Variants in FOXN3 observed in about 807,000 individuals in gnomAD.
FOXN3 encodes the protein forkhead box protein N3.
A neutral mutation model predicts 38.4 loss-of-function variants in FOXN3; 7 were observed. The observed-to-expected ratio is 0.18, with a 90% CI of 0.10 to 0.34. The LOEUF (loss-of-function observed/expected upper bound fraction) is 0.34. Ranked by LOEUF, FOXN3 falls within the 10% of genes least tolerant of loss-of-function variation. FOXN3 has a pLI of 1.00. For synonymous variants in FOXN3, 230 were observed against 242.2 expected, an observed-to-expected ratio of 0.95 and a Z score of 0.47; for missense variants, 456 against 613.4, an observed-to-expected ratio of 0.74 and a Z score of 2.71.
chr14:89,591,311 G>T (rs1266348470), intron 1 of FOXN3, among the ~76,000 whole-genome samples: 1 of 152,154 alleles, frequency 6.6e-6, no homozygotes, highest in African/African-American at 2.4e-5. Flanking sequence ...GCACTGAATG[G>T]TAAGAGCCCG....
At chr14:89,491,373 G>A (rs1893572262) in intron 1 of FOXN3, among the ~76,000 whole-genome samples, 2 of 152,198 alleles carry the variant, frequency 1.3e-5, no homozygotes, top group Admixed American at 6.5e-5. Context: ...AATGAAAGGG[G>A]GAGATCTGTA....
chr14:89,390,845 G>A (rs1434630508), intron 2 of FOXN3, among the ~76,000 whole-genome samples: 1 of 152,162 alleles, frequency 6.6e-6, no homozygotes, highest in Non-Finnish European at 1.5e-5. Context: ...CTAAGGCCAA[G>A]TTCAGACTTA....
At chr14:89,215,927 A>C (rs1470518638) in intron 4 of FOXN3, among the ~76,000 whole-genome samples, 1 of 152,228 alleles carries the variant, frequency 6.6e-6, no homozygotes, top group African/African-American at 2.4e-5. Context: ...AAGACAAGCC[A>C]GCATATTCTT....
At chr14:89,478,930 TC>T (rs1418621625) in intron 1 of FOXN3, among the ~76,000 whole-genome samples, 5 of 1,810 alleles carry the variant, frequency 2.8e-3, no homozygotes, top group Non-Finnish European at 0.016. Context: ...AGACTCCATC[TC>T]AAAAAAAAAA....
chr14:89,605,739 G>A (rs1419202828), intron 1 of FOXN3, among the ~76,000 whole-genome samples: 1 of 151,930 alleles, frequency 6.6e-6, no homozygotes, highest in Non-Finnish European at 1.5e-5. Context: ...AACTTCAAAA[G>A]TAATTAACTA....
At chr14:89,508,990 C>T (rs896266914) in intron 1 of FOXN3, among the ~76,000 whole-genome samples, 3 of 152,020 alleles carry the variant, frequency 2.0e-5, no homozygotes, top group African/African-American at 4.8e-5. Flanking sequence ...CCCTGGACAC[C>T]CTCCCACCAG....
chr14:89,246,255 G>C (rs1002072542), intron 4 of FOXN3, among the ~76,000 whole-genome samples: 2 of 152,090 alleles, frequency 1.3e-5, no homozygotes, highest in Non-Finnish European at 2.9e-5. Flanking sequence ...TCACAGTAAA[G>C]GGCTAAAGCT....
At position 89,222,122 on chromosome 14, in the gene FOXN3, A is replaced by G. The variant is rs540904033; in HGVS notation, c.746-41316T>C. ...TGAGCCACCGCGCCCGGCCTACACA[A>G]TCTTTTCTTGAGAACTTAGTTGTCA... On this transcript the variant is annotated intron_variant, in intron 4 of 5. Coordinates refer to ENST00000557258, the MANE Select transcript of FOXN3 (RefSeq NM_005197.4). Among the ~76,000 whole-genome samples the G allele has an allele frequency of 1.6e-3, 244 of 152,240 alleles. 1 individual carries two copies. The highest frequency in any genetic ancestry group is 2.9e-3 in the Non-Finnish European group (197 of 68,002).
At chr14:89,297,885 T>C (rs893140183) in intron 3 of FOXN3, among the ~76,000 whole-genome samples, 2 of 152,186 alleles carry the variant, frequency 1.3e-5, no homozygotes, top group Non-Finnish European at 2.9e-5. Context: ...CTTGGGAACC[T>C]GAGGCAGGAG....
intron 1 of FOXN3, among the ~76,000 whole-genome samples, chr14:89,561,042 A>G (rs1215811180): frequency 6.6e-6 from 1 of 152,248 alleles, no homozygotes; most frequent in African/African-American, 2.4e-5. Flanking sequence ...CTGGGAATAC[A>G]GAACGGCTTC....
chr14:89,381,145 CAAAAAA>C (rs71130067), intron 2 of FOXN3, among the ~76,000 whole-genome samples: 1 of 64,202 alleles, frequency 1.6e-5, no homozygotes, highest in Non-Finnish European at 3.0e-5. Context: ...CCCTCCGTCT[CAAAAAA>C]AAAAAAAAAA....
At chr14:89,219,537 G>A (rs76266980) in intron 4 of FOXN3, among the ~76,000 whole-genome samples, 4,649 of 152,280 alleles carry the variant, frequency 0.031, 85 homozygotes, top group East Asian at 0.06. Context: ...TCCTTAGCCC[G>A]TGTTCCCCGA....
At chr14:89,225,965 T>C (rs1291888248) in intron 4 of FOXN3, among the ~76,000 whole-genome samples, 3 of 152,194 alleles carry the variant, frequency 2.0e-5, no homozygotes, top group African/African-American at 7.2e-5. Flanking sequence ...GTCAGATAAT[T>C]GGCCTCTGGA....
chr14:89,423,225 A>T (rs1891953265), intron 1 of FOXN3, among the ~76,000 whole-genome samples: 1 of 152,250 alleles, frequency 6.6e-6, no homozygotes, highest in Non-Finnish European at 1.5e-5. Flanking sequence ...CGCAGTGGTT[A>T]GACACAGACT....
At chr14:89,199,905 G>GACAACA (rs367780395) in intron 4 of FOXN3, among the ~76,000 whole-genome samples, 19 of 151,542 alleles carry the variant, frequency 1.3e-4, no homozygotes, top group East Asian at 1.9e-4. Flanking sequence ...CTCCATCTCA[G>GACAACA]ACAACAACAA....
intron 1 of FOXN3, among the ~76,000 whole-genome samples, chr14:89,463,492 A>C (rs1364674238): frequency 1.3e-5 from 2 of 152,214 alleles, no homozygotes; most frequent in Non-Finnish European, 2.9e-5. Context: ...ATGCAGGTTA[A>C]GCAATTTTGA....
At chr14:89,608,764 G>A (rs766903082) in intron 1 of FOXN3, among the ~76,000 whole-genome samples, 12 of 152,170 alleles carry the variant, frequency 7.9e-5, no homozygotes, top group South Asian at 2.1e-4. Context: ...TGGGGTAGGC[G>A]AGACAACCTG....
intron 1 of FOXN3, chr14:89,576,255 G>T (rs182012543): frequency 2.0e-5 from 3 of 152,170 alleles, no homozygotes; most frequent in Non-Finnish European, 4.4e-5. Flanking sequence ...CGCAGACTTC[G>T]CCGGGTGCCT....
At chr14:89,303,173 T>C (rs1887271821) in intron 3 of FOXN3, among the ~76,000 whole-genome samples, 1 of 152,146 alleles carries the variant, frequency 6.6e-6, no homozygotes, top group South Asian at 2.1e-4. Flanking sequence ...AAGTTGCTCA[T>C]GGTCCCTTGG....
Sources: gnomAD v4.1 joint callset for allele counts (sites outside exome capture counted in the v4.1 genomes callset) on GRCh38, gnomAD v4.1.1 for gene constraint, MANE v1.5 for transcripts, NCBI Gene and HGNC (gene_info 2026-07-23, HGNC 2026-07-21) for gene names.